KIF7: variants seen among roughly 807,000 people sequenced by gnomAD.
The protein encoded by KIF7 is kinesin family member 7, also known as kinesin-like protein KIF7.
KIF7 carries 104 observed loss-of-function variants against 135.7 expected under a neutral mutation model. The ratio of observed to expected loss-of-function variants is 0.77; its 90% CI spans 0.65 to 0.90. The LOEUF (loss-of-function observed/expected upper bound fraction) is 0.90, where lower values mean the gene tolerates loss of function less well. Ranked by LOEUF, KIF7 falls within the 40% of genes least tolerant of loss-of-function variation. The pLI, the probability that KIF7 is intolerant of heterozygous loss-of-function variation, is 0.00. For synonymous variants in KIF7, 883 were observed against 809.4 expected, an observed-to-expected ratio of 1.09 and a Z score of -1.54; for missense variants, 2,005 against 1,839.1, an observed-to-expected ratio of 1.09 and a Z score of -1.65.
intron 15 of KIF7, chr15:89,630,874 G>C: frequency 2.7e-6 from 1 of 371,146 alleles, no homozygotes; most frequent in Non-Finnish European, 5.2e-6. Context: ...TTTCGACGTC[G>C]TGCAAACATC....
At chr15:89,654,140 G>A (rs1812638156) in intron 1 of KIF7, among the ~76,000 whole-genome samples, 1 of 152,066 alleles carries the variant, frequency 6.6e-6, no homozygotes. Context: ...CTCCCAAGTA[G>A]CTGGGACTAC....
chr15:89,627,100 T>A, downstream of KIF7: 1 of 1,613,750 alleles, frequency 6.2e-7, no homozygotes, highest in Non-Finnish European at 8.5e-7. Flanking sequence ...CAAACATTAC[T>A]GAGCCCAAAA....
intron 2 of KIF7, chr15:89,650,176 T>C (rs1446767437): frequency 3.6e-6 from 2 of 556,090 alleles, no homozygotes; most frequent in East Asian, 3.1e-5. Flanking sequence ...AATCAACCCC[T>C]TTCATGCTGT....
intron 7 of KIF7, 51 bp from the exon 8 acceptor site, chr15:89,646,077 C>T: frequency 2.5e-6 from 4 of 1,609,294 alleles, no homozygotes; most frequent in Non-Finnish European, 3.4e-6. Flanking sequence ...TGCGATATAC[C>T]CCACCTTGCC....
intron 1 of KIF7, among the ~76,000 whole-genome samples, chr15:89,621,726 C>T (rs1963428370): frequency 1.3e-5 from 2 of 152,116 alleles, no homozygotes; most frequent in Admixed American, 6.5e-5. Flanking sequence ...GAACTTCAAG[C>T]AGCAGGTTTG....
At position 89,630,367 on chromosome 15, in the gene KIF7, A is replaced by T; in HGVS notation, c.3238T>A (p.Cys1080Ser). 6.2e-7 allele frequency: 1 copy of T among 1,614,130 alleles called. No homozygotes were observed. Among genetic ancestry groups the T allele is most frequent in the Non-Finnish European group, 8.5e-7 (1 of 1,180,014 alleles). Residue 1080 changes from cysteine to serine, a missense_variant, in exon 16 of 19, where the codon TGC (cysteine) becomes AGC (serine). By Grantham distance (112) the Cys-to-Ser change is moderately radical. Coordinates refer to ENST00000394412, the MANE Select transcript of KIF7 (RefSeq NM_198525.3). The part of the protein sequence containing the change: ...LRASASLLSQ[C>S]EMNLMAKLSY... ...AGCTTGGCCATGAGGTTCATCTCGC[A>T]CTGGGACAGCAACGAGGCTGAGGCC...
chr15:89,631,196 G>A (rs947570506), intron 15 of KIF7: 7 of 413,588 alleles, frequency 1.7e-5, no homozygotes, highest in African/African-American at 1.4e-4. Flanking sequence ...CTCCACACAC[G>A]AAGCCGAGAC....
chr15:89,625,719 A>T (rs145792108), downstream of KIF7: 3 of 1,613,260 alleles, frequency 1.9e-6, no homozygotes, highest in African/African-American at 4.0e-5. Flanking sequence ...GTAAGAGTAA[A>T]GAGGGGTCTC....
At chr15:89,624,807 T>G (rs1348708360), downstream of KIF7, 3 of 1,614,050 alleles carry the variant, frequency 1.9e-6, no homozygotes, top group African/African-American at 4.0e-5. Context: ...CTGAGAAGTC[T>G]TCTCTGTCTC....
At chr15:89,645,859 T>C (rs762762042) in intron 8 of KIF7, 34 bp downstream of exon 8, 5 of 1,609,572 alleles carry the variant, frequency 3.1e-6, no homozygotes, top group Middle Eastern at 1.7e-4. Flanking sequence ...CCTGAGCAGG[T>C]CCTTGTCAGG....
At chr15:89,627,799 GC>G (rs548897408), downstream of KIF7, 3 of 152,430 alleles carry the variant, frequency 2.0e-5, no homozygotes, top group East Asian at 5.8e-4. Flanking sequence ...CCACAGGAGT[GC>G]CCCACAGACC....
chr15:89,624,376 C>T (rs1275187785), downstream of KIF7: 1 of 1,613,982 alleles, frequency 6.2e-7, no homozygotes, highest in African/African-American at 1.3e-5. Flanking sequence ...TCTCTCCTGC[C>T]CTGTTCCCTC....
downstream of KIF7, chr15:89,623,622 G>C (rs1963459640): frequency 1.3e-6 from 2 of 1,593,768 alleles, no homozygotes; most frequent in Admixed American, 3.7e-5. Flanking sequence ...TCTCTTTTCA[G>C]ACTCCCAAGA....
At chr15:89,624,505 C>G (rs149237143), downstream of KIF7, 620 of 1,613,988 alleles carry the variant, frequency 3.8e-4, 3 homozygotes, top group Admixed American at 1.2e-4. Flanking sequence ...CGTGGAGTGT[C>G]AGCCTGATGC....
At chr15:89,631,781 G>C (rs1963684639) in intron 14 of KIF7, 71 bp from the exon 15 acceptor site, 1 of 1,336,458 alleles carries the variant, frequency 7.5e-7, no homozygotes, top group Non-Finnish European at 1.0e-6. Context: ...GAAAGGGCCG[G>C]ATGTTAAGGA....
intron 8 of KIF7, 132 bp downstream of exon 8, chr15:89,645,761 C>A (rs571683378): frequency 2.4e-6 from 3 of 1,276,154 alleles, no homozygotes; most frequent in East Asian, 5.1e-5. Flanking sequence ...CTGGCCAGGG[C>A]AACATGAGGG....
Position 89,630,505 on chromosome 15 carries a change from GGCAC to G in KIF7, c.3112-16_3112-13del. 6.5e-7 allele frequency: 1 copy of G among 1,546,130 alleles called. No individual in the cohort carries two copies. Among genetic ancestry groups the G allele is most frequent in the Non-Finnish European group, 8.7e-7 (1 of 1,144,842 alleles). ...AGCGTCCGCTCCTCCTGCAGAGACG[GGCAC>G]GCGTGGAGGAACAGCACCCACTGCC... is the stretch of plus-strand genomic sequence containing the variant. On this transcript the variant is annotated splice_polypyrimidine_tract_variant and intron_variant, in intron 15 of 18. Transcript: ENST00000394412.
chr15:89,647,014 C>A lies in KIF7; in HGVS notation c.1604G>T (p.Arg535Leu). 1 of 1,611,180 alleles carries A rather than the reference C, an allele frequency of 6.2e-7. No homozygotes were observed. Among genetic ancestry groups the A allele is most frequent in the Non-Finnish European group, 8.5e-7 (1 of 1,179,104 alleles). The change falls in exon 7 of 19, where the codon CGG (arginine) becomes CTG (leucine). Residue 535 changes from arginine to leucine, a missense_variant. Physicochemically the swap from Arg to Leu is moderately radical, Grantham distance 102 (BLOSUM62 -2). Coordinates refer to ENST00000394412, the MANE Select transcript of KIF7 (RefSeq NM_198525.3). ...TGGCCGCACCAGCTCTAACCGCAGC[C>A]GCAGTTCCACCATCTCCTCCTGCTG... Reference protein sequence around the residue: ...REQQEEMVELRLRLELVRPGW... With the variant: ...REQQEEMVELLLRLELVRPGW...
At chr15:89,627,235 T>C (rs1963548670), downstream of KIF7, 12 of 934,480 alleles carry the variant, frequency 1.3e-5, no homozygotes, top group Admixed American at 2.7e-5. Context: ...ATTCCCCTTA[T>C]GGATCCAATC....
Sources: allele counts gnomAD v4.1 joint callset (sites outside exome capture counted in the v4.1 genomes callset), GRCh38; gene constraint gnomAD v4.1.1; transcripts MANE v1.5; gene names NCBI Gene and HGNC (gene_info 2026-07-23, HGNC 2026-07-21).